FBXO33: variants seen among roughly 807,000 people sequenced by gnomAD.
FBXO33 encodes the protein F-box protein 33.
Under a neutral mutation model 46.3 loss-of-function variants are expected in FBXO33, and 22 were observed. The observed-to-expected ratio is 0.48, with a 90% CI of 0.34 to 0.68. The LOEUF (loss-of-function observed/expected upper bound fraction) is 0.68, where lower values mean the gene tolerates loss of function less well. Among genes scored for constraint, FBXO33 ranks in the 30% least tolerant of loss-of-function variants. The pLI, the probability that FBXO33 is intolerant of heterozygous loss-of-function variation, is 0.01. For synonymous variants in FBXO33, 337 were observed against 291.3 expected (o/e 1.16, Z -1.60); for missense variants, 692 against 708.8 (o/e 0.98, Z 0.27).
chr14:39,411,615 C>T (rs12886769), intron 1 of FBXO33, among the ~76,000 whole-genome samples: 40,330 of 151,784 alleles, frequency 0.27, 5,628 homozygotes, highest in East Asian at 0.51. Context: ...CTCTGCCTCC[C>T]GGGTTGAAGC....
rs1027454543 is a variant in FBXO33 at position 39,402,303 on chromosome 14, G to A, written c.710+98C>T. 3 of 585,476 alleles carry A rather than the reference G, an allele frequency of 5.1e-6. No homozygotes were observed. In the African/African-American group the frequency reaches 5.8e-5, roughly 11 times the overall value. 36.3% of individuals were successfully genotyped at this position (585,476 alleles called of 1,614,324 possible). ...ATTTCCAGGACCTATGTTCCTTTTA[G>A]GAAAAAAATCATTACTCTTCTGTTT... On this transcript the variant is annotated intron_variant, in intron 2 of 3. Transcript: ENST00000298097.
At chr14:39,414,928 G>C (rs1267448243) in intron 1 of FBXO33, among the ~76,000 whole-genome samples, 1 of 152,104 alleles carries the variant, frequency 6.6e-6, no homozygotes, top group African/African-American at 2.4e-5. Context: ...ACAGGTGTGG[G>C]CAACTGTAAT....
intron 3 of FBXO33, among the ~76,000 whole-genome samples, chr14:39,400,561 A>AAAAAAAT (rs1395283897): frequency 1.3e-5 from 2 of 152,220 alleles, no homozygotes; most frequent in East Asian, 3.8e-4. Context: ...GCACACTAAA[A>AAAAAAAT]AAAAAATAAT....
intron 1 of FBXO33, among the ~76,000 whole-genome samples, chr14:39,427,650 A>T (rs966915150): frequency 2.0e-5 from 3 of 152,122 alleles, no homozygotes; most frequent in African/African-American, 7.2e-5. Flanking sequence ...TTTAAAATGC[A>T]TTTTTAGGCA....
chr14:39,430,399 T>C (rs1192503879), intron 1 of FBXO33, among the ~76,000 whole-genome samples: 1 of 152,210 alleles, frequency 6.6e-6, no homozygotes, highest in Non-Finnish European at 1.5e-5. Context: ...CTTATATCTA[T>C]ATATATCTCC....
chr14:39,424,498 TA>T (rs149150518), intron 1 of FBXO33, among the ~76,000 whole-genome samples: 12,575 of 152,080 alleles, frequency 0.083, 632 homozygotes, highest in South Asian at 0.18. Context: ...CCTTAGTTTA[TA>T]AAAAAAATTA....
chr14:39,410,514 GT>G (rs1344554070), intron 1 of FBXO33, among the ~76,000 whole-genome samples: 1 of 152,150 alleles, frequency 6.6e-6, no homozygotes, highest in Non-Finnish European at 1.5e-5. Context: ...TCTGGCTTTG[GT>G]ATCACAGTAG....
intron 1 of FBXO33, among the ~76,000 whole-genome samples, chr14:39,418,688 T>A (rs1282401487): frequency 6.8e-6 from 1 of 147,210 alleles, no homozygotes; most frequent in South Asian, 2.1e-4. Context: ...GGCAGGAGAA[T>A]GACGTGAACC....
intron 3 of FBXO33, among the ~76,000 whole-genome samples, chr14:39,400,465 A>G (rs2075363555): frequency 6.6e-6 from 1 of 152,196 alleles, no homozygotes; most frequent in Non-Finnish European, 1.5e-5. Flanking sequence ...TAGCACTTTC[A>G]GTATTGATCT....
chr14:39,402,537 T>G, intron 1 of FBXO33, 26 bp from the exon 2 acceptor site: 1 of 1,223,886 alleles, frequency 8.2e-7, no homozygotes. Flanking sequence ...TTTAAAATGA[T>G]TTGCTAAATA....
chr14:39,415,348 C>G (rs2075442640), intron 1 of FBXO33, among the ~76,000 whole-genome samples: 1 of 152,086 alleles, frequency 6.6e-6, no homozygotes, highest in African/African-American at 2.4e-5. Flanking sequence ...ACAAGAAACA[C>G]AATGTGAGCA....
intron 1 of FBXO33, among the ~76,000 whole-genome samples, chr14:39,403,116 G>A (rs2139402103): frequency 6.6e-6 from 1 of 152,236 alleles, no homozygotes; most frequent in South Asian, 2.1e-4. Flanking sequence ...AAATTTTATA[G>A]AGATGATAAT....
rs573889960 is a variant in FBXO33, at chr14:39,399,469, G to T, written c.*47C>A. ...CACTACTGAAAAAAAAACATAATAG[G>T]ACCCTACTTGCATATGTAACCACAG... is the stretch of plus-strand genomic sequence containing the variant. On this transcript the variant is annotated 3_prime_UTR_variant, in exon 4 of 4. Transcript: ENST00000298097. 9 of 1,531,574 alleles carry T rather than the reference G, an allele frequency of 5.9e-6. No homozygotes were observed. The South Asian group carries it at 1.0e-4, about 17-fold the overall frequency. The allele number at this position is 1,531,574 out of a possible 1,614,324, so 94.9% of individuals were successfully genotyped here.
chr14:39,431,664 C>T lies in FBXO33; in HGVS notation c.499G>A (p.Glu167Lys), dbSNP rs1404721198. 1 of 1,613,618 alleles carries T rather than the reference C, an allele frequency of 6.2e-7. No individual in the cohort carries two copies. Among genetic ancestry groups the T allele is most frequent in the South Asian group, 1.1e-5 (1 of 91,086 alleles). ...GAGAGCTGCAGGGCCTCGACTTCCT[C>T]CCCTCCAGTCCCGGTGTCCGCGCCA... The part of the protein sequence containing the change: ...GGGADTGTGG[E>K]EVEALQLSAR... The change falls in exon 1 of 4, where the codon GAG becomes AAG. Residue 167 changes from glutamate to lysine, a missense_variant. By Grantham distance (56) the Glu-to-Lys change is moderately conservative. Coordinates refer to ENST00000298097, the MANE Select transcript of FBXO33 (RefSeq NM_203301.4).
chr14:39,401,185 C>T lies in FBXO33; in HGVS notation c.1387G>A (p.Ala463Thr). ...AWRCTKLSLL[A>T]IHGYTVWAHN... ...GAACAAGATCACCTACCATGAATTG[C>T]CAGAAGAGAGAGCTTTGTGCACCTC... Residue 463 changes from alanine (A) to threonine (T), a missense_variant, in exon 3 of 4, where the codon GCA (alanine) becomes ACA (threonine). By Grantham distance (58) the Ala-to-Thr change is moderately conservative (BLOSUM62 0). This residue lies in a region of FBXO33 where 186 missense variants were observed against 246.1 expected (regional missense o/e 0.76). Transcript: ENST00000298097. The T allele has an allele frequency of 6.3e-7, 1 of 1,580,288 alleles. No homozygotes were observed. The highest frequency in any genetic ancestry group is 8.6e-7 in the Non-Finnish European group (1 of 1,166,630).
chr14:39,425,324 A>C (rs1235344370), intron 1 of FBXO33, among the ~76,000 whole-genome samples: 1 of 152,178 alleles, frequency 6.6e-6, no homozygotes, highest in Non-Finnish European at 1.5e-5. Context: ...AGGATCCAAA[A>C]TTATTTCTTT....
chr14:39,428,579 A>ATT (rs1331231678), intron 1 of FBXO33, among the ~76,000 whole-genome samples: 2 of 152,168 alleles, frequency 1.3e-5, no homozygotes, highest in Non-Finnish European at 2.9e-5. Context: ...TATGTAAAAC[A>ATT]TTTATACAGC....
chr14:39,404,088 C>T (rs2075381261), intron 1 of FBXO33, among the ~76,000 whole-genome samples: 1 of 152,130 alleles, frequency 6.6e-6, no homozygotes, highest in South Asian at 2.1e-4. Context: ...AAGTAAATCA[C>T]CTTAATTTCA....
intron 1 of FBXO33, among the ~76,000 whole-genome samples, chr14:39,416,355 G>C (rs575767227): frequency 1.3e-5 from 2 of 151,860 alleles, no homozygotes; most frequent in African/African-American, 4.8e-5. Context: ...ACCATTTTGG[G>C]TTCATCCTGT....
Sources: gnomAD v4.1 joint callset for allele counts (sites outside exome capture counted in the v4.1 genomes callset) on GRCh38, gnomAD v4.1.1 for gene constraint, gnomAD v4.1.1 regional missense constraint, MANE v1.5 for transcripts, NCBI Gene and HGNC (gene_info 2026-07-23, HGNC 2026-07-21) for gene names.